Variants in GLCCI1 observed in about 807,000 individuals in gnomAD.
GLCCI1 encodes glucocorticoid-induced transcript 1 protein.
In GLCCI1, 24 loss-of-function variants were observed where a neutral mutation model predicts 52.2. The ratio of observed to expected loss-of-function variants is 0.46; its 90% CI spans 0.33 to 0.65. The LOEUF (loss-of-function observed/expected upper bound fraction) is 0.65, where lower values mean the gene tolerates loss of function less well. Ranked by LOEUF, GLCCI1 falls within the 30% of genes least tolerant of loss-of-function variation. GLCCI1 has a pLI of 0.02. For missense variants in GLCCI1, 704 were observed against 701.5 expected (o/e 1.00, Z -0.04); for synonymous variants, 310 against 276.5 (o/e 1.12, Z -1.20).
intron 5 of GLCCI1, among the ~76,000 whole-genome samples, chr7:8,061,856 A>G (rs553649565): frequency 4.0e-5 from 6 of 151,738 alleles, no homozygotes; most frequent in African/African-American, 9.7e-5. Context: ...TAGTGGAGAC[A>G]GGGTTTTACC....
chr7:7,991,204 A>G (rs149585984), intron 1 of GLCCI1, among the ~76,000 whole-genome samples: 259 of 152,182 alleles, frequency 1.7e-3, no homozygotes, highest in African/African-American at 5.8e-3. Flanking sequence ...GTTACGAGCT[A>G]ATTTGTAGTT....
chr7:8,021,723 C>G (rs772480445), intron 2 of GLCCI1, among the ~76,000 whole-genome samples: 90 of 152,192 alleles, frequency 5.9e-4, no homozygotes, highest in Non-Finnish European at 7.1e-4. Flanking sequence ...TTTTTTAATA[C>G]AACTATTAAA....
At chr7:7,988,120 A>G (rs991335670) in intron 1 of GLCCI1, among the ~76,000 whole-genome samples, 1 of 152,162 alleles carries the variant, frequency 6.6e-6, no homozygotes, top group African/African-American at 2.4e-5. Flanking sequence ...TTTCATCTCC[A>G]TATGGCCCCA....
intron 1 of GLCCI1, among the ~76,000 whole-genome samples, chr7:7,983,063 C>G (rs1384373867): frequency 6.6e-6 from 1 of 152,102 alleles, no homozygotes; most frequent in Non-Finnish European, 1.5e-5. Flanking sequence ...AAAATAATGT[C>G]TTTATGCGGA....
chr7:8,043,976 G>T (rs533942937), intron 3 of GLCCI1, among the ~76,000 whole-genome samples: 1 of 147,038 alleles, frequency 6.8e-6, no homozygotes, highest in African/African-American at 2.5e-5. Flanking sequence ...ATGGAGTCTC[G>T]CTCTGTCACC....
At chr7:8,016,388 G>A (rs1490140377) in intron 2 of GLCCI1, among the ~76,000 whole-genome samples, 2 of 152,106 alleles carry the variant, frequency 1.3e-5, no homozygotes, top group Non-Finnish European at 2.9e-5. Context: ...AGAATGGCGT[G>A]AACCCGGGAG....
At chr7:8,020,593 T>C (rs141789044) in intron 2 of GLCCI1, among the ~76,000 whole-genome samples, 143 of 152,322 alleles carry the variant, frequency 9.4e-4, no homozygotes, top group African/African-American at 3.2e-3. Flanking sequence ...AAGTTGGAGA[T>C]ACAGTATATG....
rs762780522 is a variant in GLCCI1, at chr7:8,086,560, C to G, written c.*22C>G. On this transcript the variant is annotated 3_prime_UTR_variant, in exon 8 of 8. Coordinates refer to ENST00000223145, the MANE Select transcript of GLCCI1 (RefSeq NM_138426.4). The surrounding 1 kb of genome is among the most constrained non-coding windows in gnomAD (Gnocchi z 4.4). The stretch of plus-strand genomic sequence containing the variant: ...CTAAAAAAGGGGGAGCTGGCCTCCA[C>G]CCTATGTTCCATGGATTCGGAACAA... 5.9e-5 allele frequency: 91 copies of G among 1,540,122 alleles called. No individual in the cohort carries two copies. Among genetic ancestry groups the G allele is most frequent in the Non-Finnish European group, 7.7e-5 (88 of 1,144,200 alleles).
chr7:7,969,878 C>G lies in GLCCI1; in HGVS notation c.457+71C>G, dbSNP rs1379232661. The G allele has an allele frequency of 1.6e-6, 2 of 1,247,978 alleles. No individual in the cohort carries two copies. Among genetic ancestry groups the G allele is most frequent in the Non-Finnish European group, 2.0e-6 (2 of 981,672 alleles). 77.3% of individuals were successfully genotyped at this position (1,247,978 alleles called of 1,614,324 possible). A position where few individuals can be genotyped will look rare whatever the true frequency, so the allele number is the denominator to read the frequency against. On this transcript the variant is annotated intron_variant, in intron 1 of 7. Coordinates refer to ENST00000223145, the MANE Select transcript of GLCCI1 (RefSeq NM_138426.4). The surrounding 1 kb of genome is among the most constrained non-coding windows in gnomAD (Gnocchi z 4.9). ...CGGTGCCCTCCGTGGAAACTTCAGC[C>G]TCTTCGGGCTTCTCTTTGCTAGTGC...
At chr7:8,060,894 G>C (rs1382936997) in intron 5 of GLCCI1, among the ~76,000 whole-genome samples, 1 of 152,138 alleles carries the variant, frequency 6.6e-6, no homozygotes, top group Admixed American at 6.5e-5. Flanking sequence ...GGAACTGCCA[G>C]ACTCTTTTCC....
At chr7:8,084,404 T>G (rs1186380135) in intron 6 of GLCCI1, among the ~76,000 whole-genome samples, 2 of 152,220 alleles carry the variant, frequency 1.3e-5, no homozygotes, top group East Asian at 3.8e-4. Context: ...TAAACTTGTT[T>G]TTTTCCCCTG....
chr7:8,015,500 C>G (rs531685635), intron 2 of GLCCI1, among the ~76,000 whole-genome samples: 5 of 152,272 alleles, frequency 3.3e-5, no homozygotes, highest in African/African-American at 9.6e-5. Flanking sequence ...TTCTAGGGGT[C>G]TAAATTATTT....
chr7:7,981,941 A>G, intron 1 of GLCCI1: 1 of 443,574 alleles, frequency 2.3e-6, no homozygotes, highest in South Asian at 1.6e-5. Context: ...CTGAAGTAAA[A>G]GAAGATGAAG....
intron 1 of GLCCI1, among the ~76,000 whole-genome samples, chr7:7,976,848 G>A (rs1159347081): frequency 6.6e-6 from 1 of 151,848 alleles, no homozygotes; most frequent in East Asian, 1.9e-4. Flanking sequence ...CTTGAGCCCA[G>A]GCGGCAGAGG....
chr7:8,028,970 G>A (rs1173052897), intron 3 of GLCCI1, among the ~76,000 whole-genome samples: 1 of 152,082 alleles, frequency 6.6e-6, no homozygotes, highest in East Asian at 1.9e-4. Flanking sequence ...AAGTCTTCCA[G>A]TAAAGAAAAG....
At chr7:8,054,415 C>A (rs1304889245) in intron 3 of GLCCI1, among the ~76,000 whole-genome samples, 1 of 152,098 alleles carries the variant, frequency 6.6e-6, no homozygotes, top group Admixed American at 6.5e-5. Context: ...ATCTAAAGAT[C>A]TCACCATAAA....
At chr7:8,000,169 T>C (rs1781024282) in intron 1 of GLCCI1, among the ~76,000 whole-genome samples, 1 of 152,204 alleles carries the variant, frequency 6.6e-6, no homozygotes, top group African/African-American at 2.4e-5. Context: ...GTTTGTTGTC[T>C]TGTGTTTCTT....
At chr7:8,059,729 A>G (rs1028429857) in intron 4 of GLCCI1, among the ~76,000 whole-genome samples, 4 of 152,244 alleles carry the variant, frequency 2.6e-5, no homozygotes, top group Non-Finnish European at 4.4e-5. Flanking sequence ...AGAGCTATAC[A>G]GTAGACTTAC....
intron 6 of GLCCI1, among the ~76,000 whole-genome samples, chr7:8,073,229 C>G (rs1003989493): frequency 6.6e-6 from 1 of 152,122 alleles, no homozygotes; most frequent in African/African-American, 2.4e-5. Context: ...TGAATGGTAG[C>G]TGCTGCTATA....
Sources: allele counts gnomAD v4.1 joint callset (sites outside exome capture counted in the v4.1 genomes callset), GRCh38; gene constraint gnomAD v4.1.1; non-coding constraint Gnocchi (gnomAD v3.1); transcripts MANE v1.5; gene names NCBI Gene and HGNC (gene_info 2026-07-23, HGNC 2026-07-21).